ADAMTS3: variants seen among roughly 807,000 people sequenced by gnomAD.
ADAMTS3 encodes ADAM metallopeptidase with thrombospondin type 1 motif 3, also known as A disintegrin and metalloproteinase with thrombospondin motifs 3.
Under a neutral mutation model 129.0 loss-of-function variants are expected in ADAMTS3, and 73 were observed. The ratio of observed to expected loss-of-function variants is 0.57; its 90% CI spans 0.47 to 0.69. The LOEUF is 0.69. ADAMTS3 is among the 30% of genes least tolerant of loss of function. The pLI is 0.00. For missense variants in ADAMTS3, 1,457 were observed against 1,514.5 expected, an observed-to-expected ratio of 0.96 and a Z score of 0.63; for synonymous variants, 477 against 510.8, an observed-to-expected ratio of 0.93 and a Z score of 0.89.
chr4:72,420,247 C>T (rs1019312134), intron 3 of ADAMTS3, among the ~76,000 whole-genome samples: 12 of 152,254 alleles, frequency 7.9e-5, no homozygotes, highest in South Asian at 2.1e-4. Flanking sequence ...ACCACCTCTC[C>T]GGCCTCATCT....
intron 4 of ADAMTS3, among the ~76,000 whole-genome samples, chr4:72,392,915 A>ATTTTTTTTTTTTTTTTTTTTTT (rs36046621): frequency 7.2e-6 from 1 of 139,852 alleles, no homozygotes; most frequent in Non-Finnish European, 1.6e-5. Flanking sequence ...TACCCATCGG[A>ATTTTTTTTTTTTTTTTTTTTTT]TTTTTTTTTT....
chr4:72,431,341 G>T (rs1181190039), intron 3 of ADAMTS3, among the ~76,000 whole-genome samples: 1 of 151,958 alleles, frequency 6.6e-6, no homozygotes, highest in South Asian at 2.1e-4. Context: ...TAAAATACTA[G>T]TGAGGACAAT....
chr4:72,553,863 C>G (rs953937307), intron 2 of ADAMTS3, among the ~76,000 whole-genome samples: 1 of 152,130 alleles, frequency 6.6e-6, no homozygotes, highest in Non-Finnish European at 1.5e-5. Flanking sequence ...TCCACTTCAG[C>G]CTTTTCTGTA....
At chr4:72,429,556 T>C (rs975997552) in intron 3 of ADAMTS3, among the ~76,000 whole-genome samples, 4 of 152,028 alleles carry the variant, frequency 2.6e-5, no homozygotes, top group Admixed American at 1.3e-4. Context: ...CATACCAAAG[T>C]GCATGATCAT....
chr4:72,542,599 T>C (rs1270330763), intron 3 of ADAMTS3, among the ~76,000 whole-genome samples: 6 of 152,264 alleles, frequency 3.9e-5, no homozygotes, highest in Non-Finnish European at 5.9e-5. Flanking sequence ...CTTCTTTTTA[T>C]AGTTTTTCTG....
At chr4:72,355,926 C>T (rs1397181855) in intron 4 of ADAMTS3, among the ~76,000 whole-genome samples, 2 of 151,940 alleles carry the variant, frequency 1.3e-5, no homozygotes, top group Non-Finnish European at 2.9e-5. Flanking sequence ...ATGCCTTCAT[C>T]CTATCTACCA....
At chr4:72,369,758 CA>C (rs377336677) in intron 4 of ADAMTS3, among the ~76,000 whole-genome samples, 1,598 of 130,238 alleles carry the variant, frequency 0.012, 19 homozygotes, top group African/African-American at 0.038. Context: ...AGACAAAGTA[CA>C]AAAAAAAAAA....
chr4:72,430,778 G>T (rs762087622), intron 3 of ADAMTS3, among the ~76,000 whole-genome samples: 9 of 151,326 alleles, frequency 5.9e-5, no homozygotes, highest in Non-Finnish European at 1.3e-4. Context: ...AAAGCTGTGT[G>T]GTTAAGAAAG....
chr4:72,549,882 T>G (rs1047489616), intron 2 of ADAMTS3, among the ~76,000 whole-genome samples: 1 of 143,434 alleles, frequency 7.0e-6, no homozygotes, highest in East Asian at 2.1e-4. Context: ...GGAACTATTA[T>G]AAGAATGATT....
chr4:72,326,257 C>G (rs936071979), intron 5 of ADAMTS3, among the ~76,000 whole-genome samples: 3 of 152,044 alleles, frequency 2.0e-5, no homozygotes, highest in African/African-American at 7.2e-5. Context: ...TGGCAAATAA[C>G]CAGCTGTCTG....
intron 3 of ADAMTS3, among the ~76,000 whole-genome samples, chr4:72,516,940 T>G (rs1720501305): frequency 6.6e-6 from 1 of 152,138 alleles, no homozygotes; most frequent in Non-Finnish European, 1.5e-5. Flanking sequence ...TGCTTCCAGT[T>G]TTTGCCCATT....
At chr4:72,372,971 A>G (rs1721045912) in intron 4 of ADAMTS3, among the ~76,000 whole-genome samples, 2 of 152,216 alleles carry the variant, frequency 1.3e-5, no homozygotes, top group South Asian at 2.1e-4. Flanking sequence ...CTTTAATTCC[A>G]TACATATTTT....
intron 2 of ADAMTS3, among the ~76,000 whole-genome samples, chr4:72,562,298 A>C (rs76978473): frequency 0.021 from 3,207 of 152,302 alleles, 41 homozygotes; most frequent in Non-Finnish European, 0.033. Context: ...GATCATACAG[A>C]CTTGTTCAAA....
Position 72,548,728 on chromosome 4 carries a change from G to GTGATGT in ADAMTS3, c.248_253dup (p.Asn83_Ile84dup). On this transcript the variant is annotated inframe_insertion, in exon 3 of 22. Coordinates refer to ENST00000286657, the MANE Select transcript of ADAMTS3 (RefSeq NM_014243.3). ...CAGATGAAAATCTTTTCCAAATGCC[G>GTGATGT]TGATGTTAAAGAACAACTGCTCAGG... 6.2e-7 allele frequency: 1 copy of GTGATGT among 1,613,966 alleles called. No homozygotes were observed. The highest frequency in any genetic ancestry group is 8.5e-7 in the Non-Finnish European group (1 of 1,179,924).
chr4:72,550,478 T>C (rs1441787000), intron 2 of ADAMTS3, among the ~76,000 whole-genome samples: 1 of 152,176 alleles, frequency 6.6e-6, no homozygotes. Context: ...CTCTTAAAAT[T>C]ACCAATGTAT....
intron 2 of ADAMTS3, among the ~76,000 whole-genome samples, chr4:72,566,607 T>C (rs1301272559): frequency 6.6e-6 from 1 of 152,242 alleles, no homozygotes; most frequent in Admixed American, 6.5e-5. Flanking sequence ...TCTTTTAAAG[T>C]AATCCAAGTA....
intron 4 of ADAMTS3, among the ~76,000 whole-genome samples, chr4:72,347,184 A>G (rs74606088): frequency 2.7e-3 from 404 of 152,160 alleles, no homozygotes; most frequent in African/African-American, 9.6e-3. Flanking sequence ...AATGATGAGT[A>G]TGAGCCTGTG....
intron 2 of ADAMTS3, among the ~76,000 whole-genome samples, chr4:72,562,233 T>A (rs6858703): frequency 0.015 from 2,324 of 152,308 alleles, 69 homozygotes; most frequent in African/African-American, 0.053. Flanking sequence ...AAAGAAATAA[T>A]TCTAAAGTGA....
chr4:72,517,517 T>C (rs890094281), intron 3 of ADAMTS3, among the ~76,000 whole-genome samples: 44 of 152,334 alleles, frequency 2.9e-4, no homozygotes, highest in African/African-American at 1.0e-3. Context: ...TTTCAGAGCC[T>C]GTTATTGGTC....
Sources: gnomAD v4.1 joint callset for allele counts (sites outside exome capture counted in the v4.1 genomes callset) on GRCh38, gnomAD v4.1.1 for gene constraint, MANE v1.5 for transcripts, NCBI Gene and HGNC (gene_info 2026-07-23, HGNC 2026-07-21) for gene names.